Variants in GRIK4 observed in about 807,000 individuals in gnomAD.
GRIK4 encodes the protein glutamate receptor ionotropic, kainate 4.
GRIK4 carries 40 observed loss-of-function variants against 104.9 expected under a neutral mutation model. The observed-to-expected ratio is 0.38, with a 90% CI of 0.30 to 0.50. The LOEUF (loss-of-function observed/expected upper bound fraction) is 0.50, where lower values mean the gene tolerates loss of function less well. GRIK4 is among the 20% of genes least tolerant of loss of function. The pLI, the probability that GRIK4 is intolerant of heterozygous loss-of-function variation, is 0.93. For synonymous variants in GRIK4, 485 were observed against 524.9 expected (o/e 0.92, Z 1.04); for missense variants, 1,047 against 1,308.1 (o/e 0.80, Z 3.08).
At chr11:120,974,931 C>A (rs753280581) in intron 19 of GRIK4, among the ~76,000 whole-genome samples, 1 of 152,176 alleles carries the variant, frequency 6.6e-6, no homozygotes, top group African/African-American at 2.4e-5. Context: ...AAGAAAATAT[C>A]GCTAGCCACT....
At chr11:120,876,179 CCAT>C (rs1441510421) in intron 11 of GRIK4, among the ~76,000 whole-genome samples, 3 of 149,140 alleles carry the variant, frequency 2.0e-5, no homozygotes, top group African/African-American at 2.5e-5. Flanking sequence ...ACCACCCCCA[CCAT>C]CATCATCACC....
intron 13 of GRIK4, among the ~76,000 whole-genome samples, chr11:120,927,583 A>G (rs1050067048): frequency 3.3e-5 from 5 of 150,048 alleles, no homozygotes; most frequent in African/African-American, 1.2e-4. Context: ...AAAAAAAAAA[A>G]AAAAAAGAAA....
intron 3 of GRIK4, among the ~76,000 whole-genome samples, chr11:120,662,037 C>T (rs1354625544): frequency 6.6e-6 from 1 of 152,156 alleles, no homozygotes; most frequent in Non-Finnish European, 1.5e-5. Flanking sequence ...AAGTGGCAAC[C>T]CATCAATTTC....
In GRIK4 at chr11:120,693,208, G is replaced by T. The variant is rs576358561; in HGVS notation, c.82+32808G>T. Among the ~76,000 whole-genome samples the T allele has an allele frequency of 4.4e-3, 669 of 150,568 alleles. 7 individuals carry two copies. Among genetic ancestry groups the T allele is most frequent in the African/African-American group, 0.016 (640 of 40,938 alleles). On this transcript the variant is annotated intron_variant, in intron 3 of 20. Transcript: ENST00000527524. ...CAACCCCTGCCTTCCAGGTTCAAGC[G>T]ACTCTCCTGCCTCAGCCTCCTGAGC...
chr11:120,719,668 A>G (rs1565313189), intron 3 of GRIK4, among the ~76,000 whole-genome samples: 1 of 152,194 alleles, frequency 6.6e-6, no homozygotes, highest in Non-Finnish European at 1.5e-5. Context: ...AGAGTCATTC[A>G]TACATACTCT....
chr11:120,588,375 C>A (rs1300880464), intron 1 of GRIK4, among the ~76,000 whole-genome samples: 4 of 152,164 alleles, frequency 2.6e-5, no homozygotes, highest in Non-Finnish European at 5.9e-5. Context: ...CCAGCACATA[C>A]CTGGTACTTA....
intron 13 of GRIK4, among the ~76,000 whole-genome samples, chr11:120,937,314 C>T (rs766623124): frequency 6.6e-5 from 10 of 152,192 alleles, no homozygotes; most frequent in Non-Finnish European, 8.8e-5. Flanking sequence ...GTTGGGATTA[C>T]AGGCATGAGC....
At chr11:120,629,898 G>A (rs189630484) in intron 1 of GRIK4, among the ~76,000 whole-genome samples, 1 of 152,310 alleles carries the variant, frequency 6.6e-6, no homozygotes, top group Non-Finnish European at 1.5e-5. Flanking sequence ...TGCTGACGGG[G>A]CCTGTCCCAG....
chr11:120,539,924 C>T (rs1030771886), intron 1 of GRIK4, among the ~76,000 whole-genome samples: 15 of 152,138 alleles, frequency 9.9e-5, no homozygotes, highest in African/African-American at 2.7e-4. Context: ...TGAGTTATCA[C>T]GGGGCTGGGG....
At chr11:120,577,333 G>A (rs73000642) in intron 1 of GRIK4, among the ~76,000 whole-genome samples, 1,567 of 152,176 alleles carry the variant, frequency 0.01, 14 homozygotes, top group Non-Finnish European at 0.019. Flanking sequence ...TGAGAGGGGT[G>A]TGTGGAGGGC....
intron 3 of GRIK4, among the ~76,000 whole-genome samples, chr11:120,695,488 T>G (rs547022603): frequency 6.6e-6 from 1 of 152,372 alleles, no homozygotes; most frequent in Admixed American, 6.5e-5. Flanking sequence ...AAGGTTTCTT[T>G]GCCCATATCA....
intron 9 of GRIK4, chr11:120,870,012 GCAGT>G (rs1448518488): frequency 6.6e-6 from 1 of 152,264 alleles, no homozygotes; most frequent in East Asian, 1.9e-4. Context: ...GCTGGCTGCA[GCAGT>G]CCAAGCATCC....
chr11:120,552,524 G>A lies in GRIK4; in HGVS notation c.-159+40637G>A, dbSNP rs150475185. On this transcript the variant is annotated intron_variant, in intron 1 of 20. Coordinates refer to ENST00000527524, the MANE Select transcript of GRIK4 (RefSeq NM_014619.5). ...GGGAATAAAGTGACAACTTTACTGC[G>A]TCTGTAGGGAGGGCACAGGATGCTG... is the stretch of plus-strand genomic sequence containing the variant. 1.7e-4 allele frequency among the ~76,000 whole-genome samples: 26 copies of A among 152,318 alleles called. No homozygotes were observed. In the East Asian group the frequency reaches 2.3e-3, roughly 14 times the overall value.
intron 1 of GRIK4, among the ~76,000 whole-genome samples, chr11:120,645,285 C>T (rs1445822473): frequency 6.6e-6 from 1 of 152,218 alleles, no homozygotes; most frequent in Non-Finnish European, 1.5e-5. Context: ...GACTGTGTGA[C>T]TGCGGTTCCC....
chr11:120,655,771 C>G (rs536706968), intron 2 of GRIK4, among the ~76,000 whole-genome samples: 1 of 152,158 alleles, frequency 6.6e-6, no homozygotes, highest in African/African-American at 2.4e-5. Context: ...TAGGGTAACT[C>G]TCAGCCTTGT....
At chr11:120,961,115 C>T (rs1944279126) in intron 17 of GRIK4, 41 bp downstream of exon 17, 1 of 1,558,802 alleles carries the variant, frequency 6.4e-7, no homozygotes, top group Non-Finnish European at 8.8e-7. Context: ...GGGAATTGGG[C>T]AGAATAAAGT....
At chr11:120,919,154 CAAG>C (rs762997005) in intron 13 of GRIK4, among the ~76,000 whole-genome samples, 66 of 152,114 alleles carry the variant, frequency 4.3e-4, no homozygotes, top group Admixed American at 1.2e-3. Context: ...TGACAGGCGA[CAAG>C]GAGGAGAGAG....
At chr11:120,671,550 C>G (rs1483363673) in intron 3 of GRIK4, among the ~76,000 whole-genome samples, 2 of 152,026 alleles carry the variant, frequency 1.3e-5, no homozygotes, top group African/African-American at 4.8e-5. Flanking sequence ...CTGTTCATAT[C>G]CTTTGCCCAC....
At chr11:120,954,882 A>G (rs1944105335) in intron 15 of GRIK4, among the ~76,000 whole-genome samples, 1 of 151,584 alleles carries the variant, frequency 6.6e-6, no homozygotes, top group African/African-American at 2.4e-5. Context: ...ATTTTCAAAC[A>G]TGGTTCTATG....
Sources: allele counts gnomAD v4.1 joint callset (sites outside exome capture counted in the v4.1 genomes callset), GRCh38; gene constraint gnomAD v4.1.1; transcripts MANE v1.5; gene names NCBI Gene and HGNC (gene_info 2026-07-23, HGNC 2026-07-21).